NAV3: variants seen among roughly 807,000 people sequenced by gnomAD.
NAV3 encodes pore membrane and/or filament interacting like protein 1.
NAV3 carries 87 observed loss-of-function variants against 244.7 expected under a neutral mutation model. The ratio of observed to expected loss-of-function variants is 0.36; its 90% CI spans 0.30 to 0.42. The LOEUF (loss-of-function observed/expected upper bound fraction) is 0.42, where lower values mean the gene tolerates loss of function less well. Ranked by LOEUF, NAV3 falls within the 20% of genes least tolerant of loss-of-function variation. NAV3 has a pLI of 1.00. For missense variants in NAV3, 2,663 were observed against 2,893.3 expected (o/e 0.92, Z 1.83); for synonymous variants, 1,126 against 1,042.2 (o/e 1.08, Z -1.55).
At chr12:77,613,476 A>G (rs948055000) in intron 2 of NAV3, among the ~76,000 whole-genome samples, 2 of 152,124 alleles carry the variant, frequency 1.3e-5, no homozygotes, top group Non-Finnish European at 2.9e-5. Context: ...CATGAAAATC[A>G]TGTTTCAAAG....
At chr12:77,896,662 G>C (rs1884666258) in intron 1 of NAV3, among the ~76,000 whole-genome samples, 1 of 152,140 alleles carries the variant, frequency 6.6e-6, no homozygotes, top group South Asian at 2.1e-4. Context: ...CTCTATCAGG[G>C]ATTTACTTAG....
At chr12:77,655,987 C>G (rs1051514559) in intron 2 of NAV3, among the ~76,000 whole-genome samples, 8 of 143,966 alleles carry the variant, frequency 5.6e-5, no homozygotes, top group South Asian at 2.1e-4. Flanking sequence ...CAAACAGTAC[C>G]AGCTGCTGCA....
chr12:77,977,724 A>G (rs1176463684), intron 5 of NAV3, among the ~76,000 whole-genome samples: 2 of 151,068 alleles, frequency 1.3e-5, no homozygotes, highest in Non-Finnish European at 2.9e-5. Flanking sequence ...ACACACACAC[A>G]CACACACACA....
At chr12:77,764,694 ACTGAATTTTATTATT>A (rs1257948141) in intron 2 of NAV3, among the ~76,000 whole-genome samples, 7 of 152,358 alleles carry the variant, frequency 4.6e-5, no homozygotes, top group African/African-American at 1.7e-4. Context: ...TGTTAGCTTC[ACTGAATTTTATTATT>A]CCTTAACTAT....
At chr12:77,713,109 T>G (rs935896079) in intron 2 of NAV3, among the ~76,000 whole-genome samples, 2 of 152,186 alleles carry the variant, frequency 1.3e-5, no homozygotes, top group Non-Finnish European at 2.9e-5. Context: ...GAAATGGCTT[T>G]TTCAATTGAT....
chr12:77,824,591 A>T (rs1234299471), intron 2 of NAV3, among the ~76,000 whole-genome samples: 2 of 152,018 alleles, frequency 1.3e-5, no homozygotes, highest in Admixed American at 6.6e-5. Context: ...TGAACAAAAC[A>T]TTAAAAAAAT....
chr12:77,788,116 G>A (rs1251114428), intron 2 of NAV3, among the ~76,000 whole-genome samples: 1 of 152,064 alleles, frequency 6.6e-6, no homozygotes, highest in Non-Finnish European at 1.5e-5. Flanking sequence ...GTGCCTTTGT[G>A]TCTTCATGTA....
chr12:77,782,461 C>A (rs1482868106), intron 2 of NAV3, among the ~76,000 whole-genome samples: 1 of 151,904 alleles, frequency 6.6e-6, no homozygotes, highest in African/African-American at 2.4e-5. Flanking sequence ...GCTTATGATT[C>A]AAATAAAAAT....
intron 3 of NAV3, among the ~76,000 whole-genome samples, chr12:77,942,144 G>T (rs566191171): frequency 2.0e-5 from 3 of 152,162 alleles, no homozygotes; most frequent in East Asian, 1.9e-4. Context: ...ATGCCAAGGC[G>T]GGTGGATGAC....
rs185547724 is a variant in NAV3, at chr12:78,107,463, A to T, written c.2637-9309A>T. ...AGCACATTACAATCAGACTGTTTAA[A>T]GTCAAAGATAAGGAATAAATTCTAA... is the stretch of plus-strand genomic sequence containing the variant. On this transcript the variant is annotated intron_variant, in intron 12 of 39. Transcript: ENST00000397909. Among the ~76,000 whole-genome samples the T allele has an allele frequency of 5.3e-5, 8 of 152,322 alleles. No individual in the cohort carries two copies. The East Asian group carries it at 1.5e-3, about 29-fold the overall frequency.
upstream of NAV3, among the ~76,000 whole-genome samples, chr12:77,827,468 A>G (rs2370041): frequency 0.28 from 41,917 of 151,764 alleles, 6,885 homozygotes; most frequent in East Asian, 0.46. Flanking sequence ...CCAGGTTGGA[A>G]CTCTCTTATT....
chr12:77,749,761 C>T (rs1010810968), intron 2 of NAV3, among the ~76,000 whole-genome samples: 1 of 152,130 alleles, frequency 6.6e-6, no homozygotes, highest in Non-Finnish European at 1.5e-5. Context: ...AGACCACATC[C>T]AGCAGGTTGT....
chr12:77,792,236 T>C (rs7960440), intron 2 of NAV3, among the ~76,000 whole-genome samples: 148,260 of 152,316 alleles, frequency 0.97, 72,297 homozygotes, highest in East Asian at 1. Flanking sequence ...AAGTATAAAG[T>C]TCAGTTCACA....
At chr12:77,689,491 G>C (rs1222546723) in intron 2 of NAV3, among the ~76,000 whole-genome samples, 1 of 151,924 alleles carries the variant, frequency 6.6e-6, no homozygotes, top group Non-Finnish European at 1.5e-5. Flanking sequence ...TGGCTTTTAT[G>C]TTGGATGTTT....
intron 11 of NAV3, among the ~76,000 whole-genome samples, chr12:78,056,559 T>C (rs1267049537): frequency 6.6e-6 from 1 of 152,104 alleles, no homozygotes; most frequent in Non-Finnish European, 1.5e-5. Flanking sequence ...TGAAACCTCA[T>C]CTCTACTAAA....
intron 2 of NAV3, among the ~76,000 whole-genome samples, chr12:77,597,123 A>C (rs1264328366): frequency 6.6e-6 from 1 of 152,164 alleles, no homozygotes; most frequent in Non-Finnish European, 1.5e-5. Flanking sequence ...TTTTAGGTAT[A>C]TAGTGATGTC....
intron 2 of NAV3, among the ~76,000 whole-genome samples, chr12:77,773,985 A>ATTT (rs1027167321): frequency 6.6e-6 from 1 of 152,100 alleles, no homozygotes; most frequent in African/African-American, 2.4e-5. Flanking sequence ...CCAAAAAATT[A>ATTT]TTTTTTTATA....
chr12:77,617,116 CT>C (rs1330512463), intron 2 of NAV3, among the ~76,000 whole-genome samples: 4 of 152,128 alleles, frequency 2.6e-5, no homozygotes, highest in Non-Finnish European at 1.5e-5. Context: ...ATTGGAAGCT[CT>C]TTGGACGGCT....
At chr12:77,796,392 C>G (rs2135957210) in intron 2 of NAV3, among the ~76,000 whole-genome samples, 1 of 152,290 alleles carries the variant, frequency 6.6e-6, no homozygotes, top group Non-Finnish European at 1.5e-5. Context: ...CATGATAAAA[C>G]ATAAACAGAT....
Sources: gnomAD v4.1 joint callset for allele counts (sites outside exome capture counted in the v4.1 genomes callset) on GRCh38, gnomAD v4.1.1 for gene constraint, MANE v1.5 for transcripts, NCBI Gene and HGNC (gene_info 2026-07-23, HGNC 2026-07-21) for gene names.